The following PHF24 variants were observed in gnomAD, a reference collection of about 807,000 sequenced individuals.
The protein encoded by PHF24 is PHD finger protein 24.
Under a neutral mutation model 42.6 loss-of-function variants are expected in PHF24, and 25 were observed. That is an observed-to-expected ratio of 0.59 (90% confidence interval 0.43 to 0.82). The LOEUF (loss-of-function observed/expected upper bound fraction) is 0.82, where lower values mean the gene tolerates loss of function less well. PHF24 is among the 40% of genes least tolerant of loss of function. PHF24 has a pLI of 0.00. For missense variants in PHF24, 470 were observed against 538.1 expected, an observed-to-expected ratio of 0.87 and a Z score of 1.25; for synonymous variants, 185 against 204.8, an observed-to-expected ratio of 0.90 and a Z score of 0.83.
the PHF24 span, among the ~76,000 whole-genome samples, chr9:34,692,570 T>A: frequency 6.6e-6 from 1 of 152,118 alleles, no homozygotes; most frequent in Admixed American, 6.5e-5. Context: ...AGGGAGACTC[T>A]GCAGACAGAG....
chr9:34,876,481 A>G, the PHF24 span, among the ~76,000 whole-genome samples: 2 of 152,316 alleles, frequency 1.3e-5, no homozygotes, highest in South Asian at 2.1e-4. Context: ...TCCATAGTCA[A>G]CAACAAAAAT....
At chr9:34,776,008 A>G in the PHF24 span, among the ~76,000 whole-genome samples, 3 of 152,240 alleles carry the variant, frequency 2.0e-5, no homozygotes, top group African/African-American at 4.8e-5. Context: ...CACATACTGT[A>G]TGATTCCACT....
At chr9:34,780,351 C>CAGT in the PHF24 span, among the ~76,000 whole-genome samples, 1 of 117,888 alleles carries the variant, frequency 8.5e-6, no homozygotes, top group Admixed American at 1.3e-4. Context: ...GGCTGGAGTG[C>CAGT]AGTGGTGTGA....
chr9:34,894,966 G>A, the PHF24 span: 1 of 398,266 alleles, frequency 2.5e-6, no homozygotes, highest in Non-Finnish European at 4.4e-6. Context: ...AGCAGCAGGG[G>A]TCATAGAGGG....
the PHF24 span, among the ~76,000 whole-genome samples, chr9:34,773,724 C>A: frequency 1.3e-5 from 2 of 152,156 alleles, no homozygotes; most frequent in East Asian, 3.9e-4. Flanking sequence ...TAACCCCAGT[C>A]TAATTATGAG....
intron 1 of PHF24, among the ~76,000 whole-genome samples, chr9:34,965,956 A>C (rs1826753382): frequency 6.6e-6 from 1 of 152,164 alleles, no homozygotes; most frequent in African/African-American, 2.4e-5. Context: ...AGACCTTCTG[A>C]TAAACATAAA....
chr9:34,876,668 A>AAAAG, the PHF24 span, among the ~76,000 whole-genome samples: 25 of 152,280 alleles, frequency 1.6e-4, no homozygotes, highest in Non-Finnish European at 2.6e-4. Flanking sequence ...ATTATTAAAA[A>AAAAG]AAAGAAAGAA....
the PHF24 span, chr9:34,832,953 G>A: frequency 6.4e-7 from 1 of 1,551,710 alleles, no homozygotes. Context: ...TTAAACTGAG[G>A]GTGATGCTGG....
chr9:34,918,067 G>A, the PHF24 span: 3 of 1,437,494 alleles, frequency 2.1e-6, no homozygotes, highest in Middle Eastern at 1.8e-4. Flanking sequence ...GACAAGGCCC[G>A]ACACCTAACT....
chr9:34,768,361 A>T, the PHF24 span, among the ~76,000 whole-genome samples: 1 of 152,212 alleles, frequency 6.6e-6, no homozygotes, highest in African/African-American at 2.4e-5. Flanking sequence ...GGAAAGTTAC[A>T]GCAAAGGGCA....
the PHF24 span, among the ~76,000 whole-genome samples, chr9:34,739,285 A>T: frequency 1.3e-5 from 2 of 152,224 alleles, no homozygotes; most frequent in Non-Finnish European, 2.9e-5. Context: ...TAGGAAAGAG[A>T]CACTCCTATA....
At chr9:34,719,604 G>A in the PHF24 span, among the ~76,000 whole-genome samples, 2 of 152,224 alleles carry the variant, frequency 1.3e-5, no homozygotes, top group East Asian at 3.8e-4. Context: ...TTAGTTAGCA[G>A]CATGAGCCCA....
the PHF24 span, among the ~76,000 whole-genome samples, chr9:34,933,388 ATTC>A: frequency 1.3e-5 from 2 of 152,190 alleles, no homozygotes; most frequent in African/African-American, 4.8e-5. Context: ...CCATGTAAAA[ATTC>A]TATGATATAG....
the PHF24 span, among the ~76,000 whole-genome samples, chr9:34,700,489 A>G: frequency 2.0e-5 from 3 of 152,166 alleles, no homozygotes; most frequent in African/African-American, 2.4e-5. Flanking sequence ...AAAATTTTTG[A>G]CTTGAGAAAC....
the PHF24 span, among the ~76,000 whole-genome samples, chr9:34,932,045 C>T: frequency 2.6e-5 from 4 of 152,264 alleles, no homozygotes; most frequent in Non-Finnish European, 4.4e-5. Flanking sequence ...CATGAAATCA[C>T]GGGAGGGTGA....
At chr9:34,801,836 AC>A in the PHF24 span, among the ~76,000 whole-genome samples, 11 of 149,302 alleles carry the variant, frequency 7.4e-5, no homozygotes, top group African/African-American at 2.5e-4. Context: ...GCATGTTCTC[AC>A]TCATAAGTGG....
chr9:34,765,501 T>C, the PHF24 span, among the ~76,000 whole-genome samples: 2 of 150,260 alleles, frequency 1.3e-5, no homozygotes, highest in African/African-American at 2.4e-5. Context: ...AAGTCTGTTT[T>C]ATCAGAGACT....
At chr9:34,901,452 AG>A in the PHF24 span, among the ~76,000 whole-genome samples, 2 of 152,252 alleles carry the variant, frequency 1.3e-5, no homozygotes, top group Non-Finnish European at 2.9e-5. Context: ...CTATGGACAA[AG>A]GATCTAGTTT....
At chr9:34,971,737 AG>A in intron 2 of PHF24, 61 bp downstream of exon 2, 1 of 1,518,718 alleles carries the variant, frequency 6.6e-7, no homozygotes, top group Non-Finnish European at 8.8e-7. Context: ...AGGACAGGGA[AG>A]ATGGATGTGG....
Sources: gnomAD v4.1 joint callset for allele counts (sites outside exome capture counted in the v4.1 genomes callset) on GRCh38, gnomAD v4.1.1 for gene constraint, MANE v1.5 for transcripts, NCBI Gene and HGNC (gene_info 2026-07-23, HGNC 2026-07-21) for gene names.